PARP15: variants seen among roughly 807,000 people sequenced by gnomAD.
PARP15 encodes the protein protein mono-ADP-ribosyltransferase PARP15.
PARP15 carries 50 observed loss-of-function variants against 62.1 expected under a neutral mutation model. The observed-to-expected ratio is 0.81, with a 90% CI of 0.64 to 1.02. The LOEUF (loss-of-function observed/expected upper bound fraction) is 1.02. Among genes scored for constraint, PARP15 ranks in the 50% least tolerant of loss-of-function variants. The pLI is 0.00. For synonymous variants in PARP15, 309 were observed against 293.1 expected (o/e 1.05, Z -0.55); for missense variants, 820 against 826.5 (o/e 0.99, Z 0.10).
intron 1 of PARP15, among the ~76,000 whole-genome samples, chr3:122,589,685 A>C (rs1275338356): frequency 6.6e-6 from 1 of 152,120 alleles, no homozygotes; most frequent in Non-Finnish European, 1.5e-5. Flanking sequence ...TCCTTTAAGA[A>C]ATGTCTATTC....
chr3:122,594,879 A>G (rs1198903777), intron 1 of PARP15: 25 of 978,918 alleles, frequency 2.6e-5, no homozygotes, highest in Non-Finnish European at 2.8e-5. Context: ...ATGTAATTAC[A>G]TAACAATTTT....
chr3:122,615,244 T>A (rs984370712), intron 4 of PARP15: 44 of 1,282,414 alleles, frequency 3.4e-5, no homozygotes, highest in Non-Finnish European at 4.3e-5. Context: ...AAAACTTCAA[T>A]GTCTGAGGTT....
At position 122,638,436 on chromosome 3, in the gene PARP15, T is replaced by C. The variant is rs1354181473; in HGVS notation, c.*2336T>C. 1 of 152,230 alleles carries C rather than the reference T, an allele frequency of 6.6e-6. No homozygotes were observed. The highest frequency in any genetic ancestry group is 1.5e-5 in the Non-Finnish European group (1 of 68,046). The allele number at this position is 152,230 out of a possible 1,614,324, so 9.4% of individuals were successfully genotyped here. ...CACCAACAGTGTAAAAGTGTTCCTA[T>C]TTCTCCACATCCTCTCCAGCACCTG... On this transcript the variant is annotated 3_prime_UTR_variant, in exon 12 of 12. Coordinates refer to ENST00000464300, the MANE Select transcript of PARP15 (RefSeq NM_001113523.3).
At chr3:122,604,218 T>C (rs1341571395) in intron 1 of PARP15, among the ~76,000 whole-genome samples, 1 of 152,242 alleles carries the variant, frequency 6.6e-6, no homozygotes, top group African/African-American at 2.4e-5. Context: ...ATTTCATCCA[T>C]CTGCACACTG....
chr3:122,599,533 C>CTTTCT (rs1475996262), intron 1 of PARP15, among the ~76,000 whole-genome samples: 3 of 147,486 alleles, frequency 2.0e-5, no homozygotes, highest in African/African-American at 7.5e-5. Context: ...CTTTTCTTTC[C>CTTTCT]TTTCCTTTCT....
At chr3:122,604,298 TA>T (rs1205266452) in intron 1 of PARP15, among the ~76,000 whole-genome samples, 1 of 152,242 alleles carries the variant, frequency 6.6e-6, no homozygotes, top group Admixed American at 6.5e-5. Flanking sequence ...TCTAAAATTC[TA>T]TGATCGATTA....
chr3:122,598,431 G>T (rs1294784574), intron 1 of PARP15, among the ~76,000 whole-genome samples: 1 of 152,150 alleles, frequency 6.6e-6, no homozygotes, highest in Non-Finnish European at 1.5e-5. Flanking sequence ...CGACTGGAGA[G>T]TCTGCTTCTG....
chr3:122,612,085 C>T (rs187151459), intron 3 of PARP15, among the ~76,000 whole-genome samples: 69 of 144,442 alleles, frequency 4.8e-4, no homozygotes, highest in African/African-American at 1.8e-3. Context: ...AAACAGGGTC[C>T]CACTCTATTG....
intron 1 of PARP15, among the ~76,000 whole-genome samples, chr3:122,582,982 G>A (rs1933084881): frequency 6.6e-6 from 1 of 151,570 alleles, no homozygotes; most frequent in Non-Finnish European, 1.5e-5. Context: ...CTCTCTAGGA[G>A]TTTGATTTGG....
chr3:122,611,999 C>T (rs1935600067), intron 3 of PARP15, among the ~76,000 whole-genome samples: 1 of 151,658 alleles, frequency 6.6e-6, no homozygotes, highest in Non-Finnish European at 1.5e-5. Context: ...CAGGTGTGAG[C>T]CACCACAACT....
intron 1 of PARP15, among the ~76,000 whole-genome samples, chr3:122,600,951 A>G (rs527635993): frequency 1.3e-5 from 2 of 151,316 alleles, no homozygotes; most frequent in African/African-American, 4.9e-5. Flanking sequence ...CTGATGAACC[A>G]ATGCATTGTT....
chr3:122,600,223 G>A (rs1934684046), intron 1 of PARP15, among the ~76,000 whole-genome samples: 1 of 152,054 alleles, frequency 6.6e-6, no homozygotes, highest in South Asian at 2.1e-4. Context: ...TGCATTCAAA[G>A]TAGGCTAGGG....
chr3:122,594,963 G>A, intron 1 of PARP15: 1 of 782,572 alleles, frequency 1.3e-6, no homozygotes, highest in South Asian at 5.8e-5. Context: ...TTCAGCCCTG[G>A]TTGAGTTTTC....
chr3:122,587,924 C>T (rs770410753), intron 1 of PARP15, among the ~76,000 whole-genome samples: 3 of 152,164 alleles, frequency 2.0e-5, no homozygotes, highest in Non-Finnish European at 4.4e-5. Context: ...TGTCTGTTCA[C>T]ATCTTTTGCT....
chr3:122,586,271 A>G (rs1933422092), intron 1 of PARP15, among the ~76,000 whole-genome samples: 1 of 151,982 alleles, frequency 6.6e-6, no homozygotes, highest in Admixed American at 6.6e-5. Context: ...CAGTGGCCTA[A>G]TCATGACTCA....
chr3:122,609,376 GA>G (rs1559957571), intron 2 of PARP15, among the ~76,000 whole-genome samples: 1 of 152,044 alleles, frequency 6.6e-6, no homozygotes, highest in African/African-American at 2.4e-5. Context: ...AATTTACAAT[GA>G]AGAAGAGTTC....
chr3:122,630,002 G>A (rs1233695741), intron 9 of PARP15, among the ~76,000 whole-genome samples: 1 of 152,212 alleles, frequency 6.6e-6, no homozygotes. Flanking sequence ...CTTCCTAACA[G>A]GTTGTAGACC....
At chr3:122,634,124 C>T (rs1454500402) in intron 10 of PARP15, among the ~76,000 whole-genome samples, 1 of 152,214 alleles carries the variant, frequency 6.6e-6, no homozygotes, top group African/African-American at 2.4e-5. Flanking sequence ...CAGGTACTCA[C>T]TCCATTCTTC....
intron 9 of PARP15, among the ~76,000 whole-genome samples, chr3:122,628,063 T>C (rs2107593358): frequency 6.6e-6 from 1 of 152,352 alleles, no homozygotes; most frequent in South Asian, 2.1e-4. Flanking sequence ...TCTCATTCTC[T>C]TCTCAGCTAT....
Sources: gnomAD v4.1 joint callset for allele counts (sites outside exome capture counted in the v4.1 genomes callset) on GRCh38, gnomAD v4.1.1 for gene constraint, MANE v1.5 for transcripts, NCBI Gene and HGNC (gene_info 2026-07-23, HGNC 2026-07-21) for gene names.